ZNF599: variants seen among roughly 807,000 people sequenced by gnomAD.
ZNF599 encodes the protein zinc finger protein 599.
A neutral mutation model predicts 11.7 loss-of-function variants in ZNF599; 10 were observed. That is an observed-to-expected ratio of 0.86 (90% CI 0.53 to 1.45). The LOEUF (loss-of-function observed/expected upper bound fraction) is 1.45. Ranked by LOEUF, ZNF599 falls within the 40% of genes most tolerant of loss-of-function variation. ZNF599 has a pLI of 0.00. For missense variants in ZNF599, 688 were observed against 713.6 expected (o/e 0.96, Z 0.41); for synonymous variants, 232 against 253.2 (o/e 0.92, Z 0.79).
chr19:34,806,353 G>A, the ZNF599 span, among the ~76,000 whole-genome samples: 1 of 151,876 alleles, frequency 6.6e-6, no homozygotes, highest in Non-Finnish European at 1.5e-5. Context: ...TGTCCAACTT[G>A]CACCTCATCC....
rs1310327164 is a variant in ZNF599 at position 34,758,893 on chromosome 19, T to C, written c.*141A>G. On this transcript the variant is annotated 3_prime_UTR_variant, in exon 4 of 4. Coordinates refer to ENST00000329285, the MANE Select transcript of ZNF599 (RefSeq NM_001007248.3). ...GATTTCACAGGGACAATTCTGTTTC[T>C]AGTTAGTATAAATTATCAGATACTA... 2 of 768,298 alleles carry C rather than the reference T, an allele frequency of 2.6e-6. No individual in the cohort carries two copies. The highest frequency in any genetic ancestry group is 1.8e-5 in the African/African-American group (1 of 56,848). The allele number at this position is 768,298 out of a possible 1,614,324, so 47.6% of individuals were successfully genotyped here.
intron 3 of ZNF599, chr19:34,764,775 T>C (rs1046847725): frequency 6.6e-6 from 1 of 152,234 alleles, no homozygotes; most frequent in Non-Finnish European, 1.5e-5. Flanking sequence ...AAGGAGCCTG[T>C]TAAGTGCTGA....
the ZNF599 span, among the ~76,000 whole-genome samples, chr19:34,781,460 A>G: frequency 6.6e-6 from 1 of 152,262 alleles, no homozygotes; most frequent in East Asian, 1.9e-4. Context: ...ATGCTGGTAA[A>G]ATTCTTGTTA....
chr19:34,762,536 T>C (rs879542440), intron 3 of ZNF599, among the ~76,000 whole-genome samples: 3 of 152,170 alleles, frequency 2.0e-5, no homozygotes, highest in African/African-American at 4.8e-5. Context: ...CACATATATA[T>C]GAATTATGGC....
chr19:34,789,017 T>C, the ZNF599 span, among the ~76,000 whole-genome samples: 2 of 152,198 alleles, frequency 1.3e-5, no homozygotes, highest in African/African-American at 4.8e-5. Context: ...ATATTCACCA[T>C]GTTGTATAAT....
chr19:34,782,364 T>C, the ZNF599 span, among the ~76,000 whole-genome samples: 1 of 151,984 alleles, frequency 6.6e-6, no homozygotes, highest in Non-Finnish European at 1.5e-5. Context: ...CCCAGCCAAA[T>C]AGTGATCTTC....
chr19:34,776,119 T>G (rs573065688), upstream of ZNF599, among the ~76,000 whole-genome samples: 17 of 152,360 alleles, frequency 1.1e-4, no homozygotes, highest in African/African-American at 4.1e-4. Flanking sequence ...TTGTTGCATT[T>G]ACTTTCAATC....
chr19:34,807,451 C>T, the ZNF599 span, among the ~76,000 whole-genome samples: 19 of 152,324 alleles, frequency 1.2e-4, no homozygotes, highest in East Asian at 5.8e-4. Flanking sequence ...CCTAGCCTAG[C>T]GTCAGAGCCT....
intron 3 of ZNF599, among the ~76,000 whole-genome samples, chr19:34,761,511 G>A (rs542742701): frequency 3.9e-5 from 6 of 152,292 alleles, no homozygotes; most frequent in African/African-American, 1.2e-4. Context: ...TAAAGCAGGG[G>A]CCTTACCCTA....
intron 3 of ZNF599, among the ~76,000 whole-genome samples, chr19:34,762,369 A>G (rs1017071521): frequency 1.3e-5 from 2 of 152,202 alleles, no homozygotes; most frequent in Non-Finnish European, 2.9e-5. Flanking sequence ...GTTCTATGAA[A>G]TCATTCAGAT....
In ZNF599 at chr19:34,760,549, T is replaced by C; in HGVS notation, c.252A>G (p.Ala84=). 6.3e-7 allele frequency: 1 copy of C among 1,596,122 alleles called. No homozygotes were observed. The highest frequency in any genetic ancestry group is 8.5e-7 in the Non-Finnish European group (1 of 1,173,510). ...LSQSTCAGEK[A]KPKITEPTAS... ...CAGTAGGCTCTGTAATCTTGGGTTT[T>C]GCTTTTTCACCTGAAGGAAATCCAA... Residue 84 remains alanine, a synonymous_variant, in exon 4 of 4, where the codon GCA becomes GCG. Coordinates refer to ENST00000329285, the MANE Select transcript of ZNF599 (RefSeq NM_001007248.3).
chr19:34,789,843 T>G, the ZNF599 span, among the ~76,000 whole-genome samples: 1 of 152,220 alleles, frequency 6.6e-6, no homozygotes, highest in East Asian at 1.9e-4. Flanking sequence ...GTGCAAAACC[T>G]TTTTAGTTTG....
the ZNF599 span, among the ~76,000 whole-genome samples, chr19:34,795,510 G>A: frequency 6.6e-6 from 1 of 152,008 alleles, no homozygotes; most frequent in Non-Finnish European, 1.5e-5. Flanking sequence ...AAACTCCTAG[G>A]CTCAGGTGAT....
At chr19:34,774,421 C>A (rs1297716105), upstream of ZNF599, among the ~76,000 whole-genome samples, 1 of 152,122 alleles carries the variant, frequency 6.6e-6, no homozygotes, top group Non-Finnish European at 1.5e-5. Flanking sequence ...AACCTGTAGC[C>A]CACATGAAGA....
chr19:34,760,322 T>C lies in ZNF599; in HGVS notation c.479A>G (p.Asp160Gly), dbSNP rs542373875. 1.3e-5 allele frequency: 21 copies of C among 1,614,198 alleles called. No individual in the cohort carries two copies. The South Asian group carries it at 1.9e-4, about 14-fold the overall frequency. ...LSYKHDDLEP[D>G]DSLGLRVLQE... ...TAAAACCCTTAAGCCCAGACTATCA[T>C]CTGGCTCCAAATCATCATGTTTATA... is the stretch of plus-strand genomic sequence containing the variant. Residue 160 changes from aspartate (D) to glycine (G), a missense_variant, in exon 4 of 4, where the codon GAT becomes GGT. Transcript: ENST00000329285.
chr19:34,776,232 A>G (rs1000691300), upstream of ZNF599, among the ~76,000 whole-genome samples: 1 of 152,240 alleles, frequency 6.6e-6, no homozygotes, highest in Non-Finnish European at 1.5e-5. Flanking sequence ...AATTGTTTTT[A>G]TATAAATTGT....
the ZNF599 span, among the ~76,000 whole-genome samples, chr19:34,800,590 T>TC: frequency 1.7e-4 from 25 of 145,844 alleles, no homozygotes; most frequent in African/African-American, 5.6e-4. Flanking sequence ...TCCTTTGTTT[T>TC]TTTTTTTTTT....
chr19:34,778,277 G>T, the ZNF599 span, among the ~76,000 whole-genome samples: 2 of 151,540 alleles, frequency 1.3e-5, no homozygotes, highest in East Asian at 3.9e-4. Flanking sequence ...TAACAAACCT[G>T]CAGGTTGTGC....
At chr19:34,782,044 C>G in the ZNF599 span, among the ~76,000 whole-genome samples, 1 of 152,196 alleles carries the variant, frequency 6.6e-6, no homozygotes, top group Non-Finnish European at 1.5e-5. Flanking sequence ...TGAACAGGGA[C>G]AGGTTACTGA....
Sources: gnomAD v4.1 joint callset for allele counts (sites outside exome capture counted in the v4.1 genomes callset) on GRCh38, gnomAD v4.1.1 for gene constraint, MANE v1.5 for transcripts, NCBI Gene and HGNC (gene_info 2026-07-23, HGNC 2026-07-21) for gene names.